DPP6: variants seen among roughly 807,000 people sequenced by gnomAD.
DPP6 encodes the protein dipeptidyl peptidase like 6, also known as A-type potassium channel modulatory protein DPP6.
Under a neutral mutation model 122.6 loss-of-function variants are expected in DPP6, and 69 were observed. The observed-to-expected ratio is 0.56, with a 90% CI of 0.46 to 0.69. DPP6 has a LOEUF of 0.69. Among genes scored for constraint, DPP6 ranks in the 30% least tolerant of loss-of-function variants. DPP6 has a pLI of 0.00. For missense variants in DPP6, 928 were observed against 1,116.9 expected, an observed-to-expected ratio of 0.83 and a Z score of 2.41; for synonymous variants, 418 against 433.1, an observed-to-expected ratio of 0.97 and a Z score of 0.43.
the DPP6 span, among the ~76,000 whole-genome samples, chr7:153,787,277 G>A: frequency 1.4e-5 from 2 of 147,980 alleles, no homozygotes; most frequent in African/African-American, 5.0e-5. Flanking sequence ...TAAGAAATGT[G>A]TCTTGAAAAA....
At chr7:154,365,276 G>A (rs1207661023) in intron 1 of DPP6, among the ~76,000 whole-genome samples, 1 of 152,170 alleles carries the variant, frequency 6.6e-6, no homozygotes, top group African/African-American at 2.4e-5. Context: ...AAAAAGAAAA[G>A]TAGAAATTAG....
chr7:153,976,525 A>G (rs1238095474), intron 1 of DPP6, among the ~76,000 whole-genome samples: 3 of 152,232 alleles, frequency 2.0e-5, no homozygotes, highest in Non-Finnish European at 4.4e-5. Context: ...ACGTTTAAAC[A>G]CTGATAATGG....
chr7:154,053,138 GA>G, intron 1 of DPP6, 75 bp downstream of exon 1: 1 of 781,434 alleles, frequency 1.3e-6, no homozygotes, highest in Non-Finnish European at 1.6e-6. Context: ...GTCGGCAGGG[GA>G]AATTTTTTTT....
chr7:154,853,527 C>T (rs370224861), intron 16 of DPP6, among the ~76,000 whole-genome samples: 2 of 152,182 alleles, frequency 1.3e-5, no homozygotes, highest in African/African-American at 4.8e-5. Context: ...TATGGCATTA[C>T]AATAATCTGA....
At chr7:154,039,198 C>T (rs1045096744) in intron 1 of DPP6, among the ~76,000 whole-genome samples, 3 of 127,520 alleles carry the variant, frequency 2.4e-5, no homozygotes, top group Non-Finnish European at 3.2e-5. Context: ...TGAGAGTTTA[C>T]GAATAAATTC....
At chr7:154,379,865 CTGAT>C (rs1463615064) in intron 1 of DPP6, among the ~76,000 whole-genome samples, 4 of 152,114 alleles carry the variant, frequency 2.6e-5, no homozygotes, top group Admixed American at 2.6e-4. Flanking sequence ...TATGCGCTTC[CTGAT>C]ATGAAGCCAT....
At chr7:154,379,292 C>T (rs1430014352) in intron 1 of DPP6, among the ~76,000 whole-genome samples, 1 of 152,022 alleles carries the variant, frequency 6.6e-6, no homozygotes, top group Non-Finnish European at 1.5e-5. Flanking sequence ...GAATTTACCC[C>T]ACAAAAATTG....
At chr7:154,591,066 G>T (rs6970199) in intron 5 of DPP6, among the ~76,000 whole-genome samples, 85,664 of 151,948 alleles carry the variant, frequency 0.56, 24,295 homozygotes, top group East Asian at 0.69. Context: ...GTGATGAGTT[G>T]TGCCTTCCTT....
chr7:154,864,824 C>T (rs1291341042), intron 17 of DPP6, among the ~76,000 whole-genome samples: 1 of 152,236 alleles, frequency 6.6e-6, no homozygotes, highest in African/African-American at 2.4e-5. Context: ...GCGATTAGAA[C>T]ATGGTGCGTT....
intron 1 of DPP6, among the ~76,000 whole-genome samples, chr7:154,237,392 A>G (rs1463678625): frequency 6.6e-6 from 1 of 152,248 alleles, no homozygotes; most frequent in Non-Finnish European, 1.5e-5. Flanking sequence ...ATTCTGAAAT[A>G]CAGAGTGCCC....
intron 1 of DPP6, among the ~76,000 whole-genome samples, chr7:154,401,391 A>G (rs1815584120): frequency 6.6e-6 from 1 of 151,712 alleles, no homozygotes; most frequent in African/African-American, 2.4e-5. Context: ...AACTTTGTTC[A>G]GTACAACCCC....
intron 1 of DPP6, among the ~76,000 whole-genome samples, chr7:153,926,755 T>C (rs1414546938): frequency 6.6e-6 from 1 of 151,198 alleles, no homozygotes; most frequent in Non-Finnish European, 1.5e-5. Flanking sequence ...TAGCATTCCA[T>C]GAAATAAACA....
At chr7:154,873,164 A>G (rs888019183) in intron 19 of DPP6, among the ~76,000 whole-genome samples, 6 of 152,244 alleles carry the variant, frequency 3.9e-5, no homozygotes, top group African/African-American at 1.4e-4. Context: ...TCATTAATAA[A>G]GCCTCCGGTT....
At chr7:154,263,749 A>T (rs192031115) in intron 1 of DPP6, among the ~76,000 whole-genome samples, 2 of 152,226 alleles carry the variant, frequency 1.3e-5, no homozygotes, top group Admixed American at 6.5e-5. Context: ...GTGCAATGGC[A>T]CGATCTCGGC....
intron 1 of DPP6, among the ~76,000 whole-genome samples, chr7:154,417,743 G>A (rs1051815207): frequency 6.6e-6 from 1 of 152,178 alleles, no homozygotes; most frequent in Non-Finnish European, 1.5e-5. Context: ...GCTGTGTCAT[G>A]TTTCCCATCT....
chr7:154,297,105 G>A (rs373407264), intron 1 of DPP6, among the ~76,000 whole-genome samples: 1 of 150,746 alleles, frequency 6.6e-6, no homozygotes, highest in African/African-American at 2.4e-5. Context: ...GAGGGTGAGG[G>A]ATAGCCTACT....
At chr7:154,300,570 G>C (rs929613289) in intron 1 of DPP6, among the ~76,000 whole-genome samples, 5 of 152,224 alleles carry the variant, frequency 3.3e-5, no homozygotes, top group African/African-American at 1.2e-4. Flanking sequence ...CTTGTTTGGA[G>C]AATTTGGGAC....
At chr7:154,163,261 T>A (rs555757860) in intron 1 of DPP6, among the ~76,000 whole-genome samples, 1 of 152,220 alleles carries the variant, frequency 6.6e-6, no homozygotes, top group East Asian at 1.9e-4. Flanking sequence ...TTGCTAGTGT[T>A]GAGTAGAACT....
intron 1 of DPP6, among the ~76,000 whole-genome samples, chr7:154,266,290 T>C (rs1036167027): frequency 6.6e-6 from 1 of 152,112 alleles, no homozygotes; most frequent in South Asian, 2.1e-4. Context: ...AATCAATCTG[T>C]CTTATGAAGG....
Sources: allele counts gnomAD v4.1 joint callset (sites outside exome capture counted in the v4.1 genomes callset), GRCh38; gene constraint gnomAD v4.1.1; transcripts MANE v1.5; gene names NCBI Gene and HGNC (gene_info 2026-07-23, HGNC 2026-07-21).